The following RAB31 variants were observed in gnomAD, a reference collection of about 807,000 sequenced individuals.
The protein encoded by RAB31 is ras-related protein Rab-31.
A neutral mutation model predicts 25.6 loss-of-function variants in RAB31; 21 were observed. The observed-to-expected ratio is 0.82, with a 90% CI of 0.58 to 1.18. RAB31 has a LOEUF of 1.18. Among genes scored for constraint, RAB31 ranks in the 50% most tolerant of loss-of-function variants. The pLI is 0.00. For missense variants in RAB31, 196 were observed against 250.1 expected, an observed-to-expected ratio of 0.78 and a Z score of 1.46; for synonymous variants, 87 against 84.0, an observed-to-expected ratio of 1.04 and a Z score of -0.20.
intron 2 of RAB31, among the ~76,000 whole-genome samples, chr18:9,791,074 T>C (rs2068457204): frequency 6.6e-6 from 1 of 152,240 alleles, no homozygotes; most frequent in South Asian, 2.1e-4. Flanking sequence ...AAAAAAATCC[T>C]TCCTTTTTTA....
chr18:9,747,755 A>G (rs905666805), intron 1 of RAB31, among the ~76,000 whole-genome samples: 1 of 152,220 alleles, frequency 6.6e-6, no homozygotes, highest in African/African-American at 2.4e-5. Flanking sequence ...TTGGGGGTGA[A>G]GAAAGTGTTT....
chr18:9,828,280 C>A (rs138266777), intron 5 of RAB31, among the ~76,000 whole-genome samples: 1 of 152,136 alleles, frequency 6.6e-6, no homozygotes. Flanking sequence ...GTGCCCGCCT[C>A]GGCTTCCCCA....
At chr18:9,733,584 C>T (rs56156444) in intron 1 of RAB31, among the ~76,000 whole-genome samples, 11,752 of 152,196 alleles carry the variant, frequency 0.077, 700 homozygotes, top group East Asian at 0.34. Context: ...TGCCTGGAGA[C>T]CCAATCCAAA....
chr18:9,832,080 G>A (rs992092068), intron 5 of RAB31, among the ~76,000 whole-genome samples: 9 of 152,334 alleles, frequency 5.9e-5, no homozygotes, highest in African/African-American at 9.6e-5. Context: ...TACGCCGAGC[G>A]ATCTGGGCGT....
In RAB31 at chr18:9,768,293, A is replaced by G. The variant is rs541964248; in HGVS notation, c.40-6985A>G. ...AGGAATTGCCACACTGTCTTCCACA[A>G]TGTTTGAACTTACACTCCCACCAAC... On this transcript the variant is annotated intron_variant, in intron 1 of 6. Coordinates refer to ENST00000578921, the MANE Select transcript of RAB31 (RefSeq NM_006868.4). Among the ~76,000 whole-genome samples the G allele has an allele frequency of 4.6e-5, 7 of 152,288 alleles. No individual in the cohort carries two copies. In the East Asian group the frequency reaches 1.2e-3, roughly 25 times the overall value.
At chr18:9,836,227 T>A (rs1274470284) in intron 5 of RAB31, among the ~76,000 whole-genome samples, 1 of 151,888 alleles carries the variant, frequency 6.6e-6, no homozygotes, top group Non-Finnish European at 1.5e-5. Flanking sequence ...GCAAAAAACA[T>A]GTAAGGAGAC....
At chr18:9,734,369 C>T (rs923360352) in intron 1 of RAB31, among the ~76,000 whole-genome samples, 11 of 152,248 alleles carry the variant, frequency 7.2e-5, no homozygotes, top group Non-Finnish European at 1.2e-4. Flanking sequence ...TGGACTCCAG[C>T]GATTGTGTTG....
chr18:9,858,866 G>A lies in RAB31; in HGVS notation c.491-362G>A, dbSNP rs368820280. Among the ~76,000 whole-genome samples the A allele has an allele frequency of 6.6e-5, 10 of 152,334 alleles. No homozygotes were observed. The South Asian group carries it at 1.0e-3, about 16-fold the overall frequency. The stretch of plus-strand genomic sequence containing the variant: ...CCATGAAAGCCGCTCATTAAACCAG[G>A]ATGGGTCTCTGGGAAGGCAGGGAGA... On this transcript the variant is annotated intron_variant, in intron 6 of 6. Coordinates refer to ENST00000578921, the MANE Select transcript of RAB31 (RefSeq NM_006868.4).
intron 5 of RAB31, among the ~76,000 whole-genome samples, chr18:9,825,115 A>C (rs1172504391): frequency 6.6e-6 from 1 of 152,134 alleles, no homozygotes; most frequent in Non-Finnish European, 1.5e-5. Flanking sequence ...CATTTAAGGG[A>C]TTGTCAGAGT....
In RAB31 at chr18:9,862,067, A is replaced by G. The variant is rs549440; in HGVS notation, c.*2742A>G. 0.2 allele frequency: 30,020 copies of G among 152,662 alleles called. 3,038 individuals are homozygous for G. Among genetic ancestry groups the G allele is most frequent in the South Asian group, 0.25 (1,189 of 4,822 alleles). The allele number at this position is 152,662 out of a possible 1,614,324, so 9.5% of individuals were successfully genotyped here. A position where few individuals can be genotyped will look rare whatever the true frequency, so the allele number is the denominator to read the frequency against. On this transcript the variant is annotated 3_prime_UTR_variant, in exon 7 of 7. Coordinates refer to ENST00000578921, the MANE Select transcript of RAB31 (RefSeq NM_006868.4). The stretch of plus-strand genomic sequence containing the variant: ...TAGCTAACAATAAGGGCTGTGCCCC[A>G]ATGGAAACTGAGTTCATTTTCTGAG...
Position 9,798,565 on chromosome 18 carries a change from T to C in RAB31, c.201+6330T>C, listed in dbSNP as rs946674297. On this transcript the variant is annotated intron_variant, in intron 3 of 6. Transcript: ENST00000578921. ...CATAATTTTAAACAAACAATCACTT[T>C]GGGTTTATGATTTGACAATATAAAG... Among the ~76,000 whole-genome samples, 6 of 152,204 alleles carry C rather than the reference T, an allele frequency of 3.9e-5. No individual in the cohort carries two copies. In the East Asian group the frequency reaches 7.7e-4, roughly 20 times the overall value.
intron 5 of RAB31, among the ~76,000 whole-genome samples, chr18:9,840,607 C>T (rs556443477): frequency 6.6e-6 from 1 of 152,268 alleles, no homozygotes; most frequent in African/African-American, 2.4e-5. Flanking sequence ...CCATTTGTTC[C>T]GACAGCAATT....
Position 9,859,559 on chromosome 18 carries a change from C to T in RAB31, c.*234C>T. 2.7e-6 allele frequency: 1 copy of T among 371,008 alleles called. No homozygotes were observed. The highest frequency in any genetic ancestry group is 4.8e-6 in the Non-Finnish European group (1 of 210,092). 23.0% of individuals were successfully genotyped at this position (371,008 alleles called of 1,614,324 possible). A position where few individuals can be genotyped will look rare whatever the true frequency, so the allele number is the denominator to read the frequency against. On this transcript the variant is annotated 3_prime_UTR_variant, in exon 7 of 7. Transcript: ENST00000578921. Reference sequence around the variant, plus strand: ...AAAATGGCCTTTAGTGTATGAAATGCACATGGAGGGGATGTAGTTGCATTT... The same window carrying T: ...AAAATGGCCTTTAGTGTATGAAATGTACATGGAGGGGATGTAGTTGCATTT...
intron 3 of RAB31, among the ~76,000 whole-genome samples, chr18:9,798,741 C>T (rs1208207741): frequency 6.6e-6 from 1 of 151,728 alleles, no homozygotes; most frequent in Non-Finnish European, 1.5e-5. Context: ...GCTCCAGCCT[C>T]CTGAGTAGCT....
intron 1 of RAB31, 92 bp from the exon 2 acceptor site, chr18:9,775,186 C>G: frequency 6.3e-7 from 1 of 1,584,924 alleles, no homozygotes; most frequent in Non-Finnish European, 8.6e-7. Context: ...AATAGCCAGT[C>G]GTGTCCTCTG....
At chr18:9,790,007 G>C (rs1043261964) in intron 2 of RAB31, among the ~76,000 whole-genome samples, 2 of 152,078 alleles carry the variant, frequency 1.3e-5, no homozygotes, top group Non-Finnish European at 2.9e-5. Context: ...TAGAGGCTGA[G>C]GAAATATTAC....
At chr18:9,837,942 G>A (rs2068713517) in intron 5 of RAB31, among the ~76,000 whole-genome samples, 1 of 151,974 alleles carries the variant, frequency 6.6e-6, no homozygotes, top group African/African-American at 2.4e-5. Context: ...CACTACAAAG[G>A]GCCTTTACTT....
At chr18:9,762,310 A>C (rs1489332530) in intron 1 of RAB31, among the ~76,000 whole-genome samples, 1 of 152,242 alleles carries the variant, frequency 6.6e-6, no homozygotes, top group Admixed American at 6.5e-5. Context: ...ACTCAGGAAC[A>C]GTAAAGATTG....
chr18:9,786,052 G>GAA (rs1166362779), intron 2 of RAB31, among the ~76,000 whole-genome samples: 3 of 150,616 alleles, frequency 2.0e-5, no homozygotes, highest in Non-Finnish European at 4.4e-5. Flanking sequence ...CTCTGAGAAA[G>GAA]AAAGAGAGAA....
Sources: allele counts gnomAD v4.1 joint callset (sites outside exome capture counted in the v4.1 genomes callset), GRCh38; gene constraint gnomAD v4.1.1; transcripts MANE v1.5; gene names NCBI Gene and HGNC (gene_info 2026-07-23, HGNC 2026-07-21).